The following SULT2B1 variants were observed in gnomAD, a reference collection of about 807,000 sequenced individuals.
The protein encoded by SULT2B1 is sulfotransferase 2B1.
SULT2B1 carries 16 observed loss-of-function variants against 33.2 expected under a neutral mutation model. That is an observed-to-expected ratio of 0.48 (90% CI 0.33 to 0.73). The LOEUF (loss-of-function observed/expected upper bound fraction) is 0.73. SULT2B1 is among the 30% of genes least tolerant of loss of function. SULT2B1 has a pLI of 0.02. For synonymous variants in SULT2B1, 186 were observed against 200.5 expected, an observed-to-expected ratio of 0.93 and a Z score of 0.61; for missense variants, 500 against 506.0, an observed-to-expected ratio of 0.99 and a Z score of 0.11.
chr19:48,597,844 C>T (rs1318848583), intron 6 of SULT2B1, among the ~76,000 whole-genome samples: 3 of 151,516 alleles, frequency 2.0e-5, no homozygotes, highest in Admixed American at 6.6e-5. Context: ...AGGTTTTCAC[C>T]GTGTTAGCCA....
intron 2 of SULT2B1, among the ~76,000 whole-genome samples, chr19:48,576,746 C>T (rs770283754): frequency 1.2e-3 from 173 of 150,404 alleles, no homozygotes; most frequent in Non-Finnish European, 2.0e-3. Flanking sequence ...CTCACATGAT[C>T]CGCCCAACCT....
intron 1 of SULT2B1, among the ~76,000 whole-genome samples, chr19:48,557,152 C>T (rs572199943): frequency 5.3e-5 from 8 of 152,152 alleles, no homozygotes; most frequent in East Asian, 1.9e-4. Flanking sequence ...GCTCAAGGGA[C>T]GGGTAGATGC....
intron 1 of SULT2B1, among the ~76,000 whole-genome samples, chr19:48,572,445 C>T (rs944022934): frequency 4.0e-5 from 6 of 151,734 alleles, no homozygotes; most frequent in South Asian, 2.1e-4. Context: ...CCCAGGAAGG[C>T]GGAGGTTGCA....
intron 2 of SULT2B1, among the ~76,000 whole-genome samples, chr19:48,576,623 C>G (rs1428084036): frequency 2.0e-5 from 3 of 146,778 alleles, no homozygotes; most frequent in South Asian, 4.3e-4. Context: ...AGGTGCTGGT[C>G]ACCACCAAAT....
intron 2 of SULT2B1, among the ~76,000 whole-genome samples, chr19:48,581,471 A>ATTTT (rs1568410105): frequency 2.7e-5 from 1 of 37,622 alleles, no homozygotes; most frequent in African/African-American, 1.2e-4. Flanking sequence ...GAGATTTGAG[A>ATTTT]GTTTTTTTTT....
intron 1 of SULT2B1, among the ~76,000 whole-genome samples, chr19:48,555,496 C>T (rs941641933): frequency 9.2e-5 from 14 of 152,142 alleles, no homozygotes; most frequent in African/African-American, 3.4e-4. Context: ...TCTTCTCTCT[C>T]TCTCTCTCTC....
At chr19:48,577,513 G>A (rs1973430256) in intron 2 of SULT2B1, among the ~76,000 whole-genome samples, 1 of 151,356 alleles carries the variant, frequency 6.6e-6, no homozygotes, top group African/African-American at 2.4e-5. Context: ...TTACAGGCGT[G>A]TGCCACTACA....
intron 1 of SULT2B1, among the ~76,000 whole-genome samples, chr19:48,558,206 C>G (rs1973126154): frequency 6.6e-6 from 1 of 152,158 alleles, no homozygotes; most frequent in Admixed American, 6.6e-5. Flanking sequence ...ACACAGCTGC[C>G]AAGCAGGGCG....
chr19:48,552,228 C>T lies in SULT2B1; in HGVS notation c.-25C>T. ...TGCCGCCTGCTCCCTGCTCGTCCTC[C>T]CCTCCCCACCCTCACCCACCTGCCA... On this transcript the variant is annotated 5_prime_UTR_variant, in exon 1 of 7. Coordinates refer to ENST00000201586, the MANE Select transcript of SULT2B1 (RefSeq NM_177973.2). The surrounding 1 kb of genome is among the most constrained non-coding windows in gnomAD (Gnocchi z 4.8). 6.2e-7 allele frequency: 1 copy of T among 1,611,622 alleles called. No homozygotes were observed. The highest frequency in any genetic ancestry group is 8.5e-7 in the Non-Finnish European group (1 of 1,178,544).
At chr19:48,559,035 A>G (rs553620217) in intron 1 of SULT2B1, among the ~76,000 whole-genome samples, 3 of 152,150 alleles carry the variant, frequency 2.0e-5, no homozygotes, top group African/African-American at 7.2e-5. Flanking sequence ...CAAACAATTA[A>G]GAAATAATAA....
intron 1 of SULT2B1, among the ~76,000 whole-genome samples, chr19:48,553,954 G>A (rs2147592526): frequency 6.6e-6 from 1 of 151,032 alleles, no homozygotes; most frequent in South Asian, 2.1e-4. Context: ...CCCCACCCCA[G>A]CCAGGCACCT....
chr19:48,570,916 G>T (rs371262958), intron 1 of SULT2B1, among the ~76,000 whole-genome samples: 1,117 of 151,724 alleles, frequency 7.4e-3, no homozygotes, highest in African/African-American at 0.025. Flanking sequence ...TAGAGACGGG[G>T]TTTCACCATG....
chr19:48,570,290 C>A (rs1025096978), intron 1 of SULT2B1, among the ~76,000 whole-genome samples: 1 of 151,896 alleles, frequency 6.6e-6, no homozygotes, highest in Non-Finnish European at 1.5e-5. Flanking sequence ...AGTGATTCTC[C>A]TGCCTCAGCC....
intron 2 of SULT2B1, among the ~76,000 whole-genome samples, chr19:48,584,696 G>A (rs1973540053): frequency 6.6e-6 from 1 of 152,138 alleles, no homozygotes; most frequent in African/African-American, 2.4e-5. Context: ...CTAGAGGCCA[G>A]GAGCTCCAGA....
intron 5 of SULT2B1, among the ~76,000 whole-genome samples, chr19:48,593,823 G>A (rs892991361): frequency 4.0e-5 from 6 of 149,770 alleles, no homozygotes; most frequent in South Asian, 4.2e-4. Context: ...TAGTAGAGAC[G>A]GGGTTTCTCC....
intron 1 of SULT2B1, among the ~76,000 whole-genome samples, chr19:48,559,100 T>C (rs1240354727): frequency 2.0e-5 from 3 of 151,998 alleles, no homozygotes; most frequent in Admixed American, 2.0e-4. Flanking sequence ...GAGAGGGGCT[T>C]CGGGGCCAGC....
chr19:48,565,712 A>G (rs1973235582), intron 1 of SULT2B1, among the ~76,000 whole-genome samples: 1 of 151,884 alleles, frequency 6.6e-6, no homozygotes, highest in Non-Finnish European at 1.5e-5. Context: ...TTTTAATAGA[A>G]GTTTACCTAC....
chr19:48,555,488 TTCTCTCTCTC>T (rs982985959), intron 1 of SULT2B1, among the ~76,000 whole-genome samples: 1 of 144,254 alleles, frequency 6.9e-6, no homozygotes, highest in African/African-American at 2.6e-5. Context: ...CAGAGACATC[TTCTCTCTCTC>T]TCTCTCTCTC....
At chr19:48,584,246 G>C (rs1430906733) in intron 2 of SULT2B1, among the ~76,000 whole-genome samples, 1 of 152,236 alleles carries the variant, frequency 6.6e-6, no homozygotes, top group Non-Finnish European at 1.5e-5. Context: ...CCCCACACAA[G>C]ATTAGAGTTT....
Sources: gnomAD v4.1 joint callset for allele counts (sites outside exome capture counted in the v4.1 genomes callset) on GRCh38, gnomAD v4.1.1 for gene constraint, Gnocchi (gnomAD v3.1) non-coding constraint, MANE v1.5 for transcripts, NCBI Gene and HGNC (gene_info 2026-07-23, HGNC 2026-07-21) for gene names.